The following CCDC136 variants were observed in gnomAD, a reference collection of about 807,000 sequenced individuals.
CCDC136 encodes the protein coiled-coil domain containing 136.
Under a neutral mutation model 141.2 loss-of-function variants are expected in CCDC136, and 100 were observed. That is an observed-to-expected ratio of 0.71 (90% confidence interval 0.60 to 0.84). The LOEUF (loss-of-function observed/expected upper bound fraction) is 0.84, where lower values mean the gene tolerates loss of function less well. Among genes scored for constraint, CCDC136 ranks in the 40% least tolerant of loss-of-function variants. The probability of loss-of-function intolerance (pLI) is 0.00; values close to 1 mark genes in which losing one functional copy is unlikely to be tolerated. For synonymous variants in CCDC136, 474 were observed against 531.9 expected, an observed-to-expected ratio of 0.89 and a Z score of 1.50; for missense variants, 1,206 against 1,379.4, an observed-to-expected ratio of 0.87 and a Z score of 1.99.
chr7:128,801,035 C>T (rs181067771), intron 3 of CCDC136, 151 bp from the exon 4 acceptor site: 104 of 603,284 alleles, frequency 1.7e-4, no homozygotes, highest in East Asian at 1.1e-3. Flanking sequence ...TTATTCCGTC[C>T]GGCATGATGC....
chr7:128,810,205 G>C lies in CCDC136; in HGVS notation c.1867G>C (p.Glu623Gln), dbSNP rs1308197912. The change falls in exon 12 of 18, where the codon GAG becomes CAG. Residue 623 changes from glutamate to glutamine, a missense_variant. Transcript: ENST00000297788. ...GCAGCTGCTCTACCAAGGCATGCAG[G>C]AGGAACAGAAGAAGCTGATACAGAA... ...ELQLLYQGMQ[E>Q]EQKKLIQNQD... is the part of the protein sequence containing the mutation. 1.2e-6 allele frequency: 2 copies of C among 1,610,738 alleles called. No homozygotes were observed. Among genetic ancestry groups the C allele is most frequent in the Non-Finnish European group, 8.5e-7 (1 of 1,178,464 alleles).
rs1806801805 is a variant in CCDC136, at chr7:128,817,421, G to A, written c.3364-337G>A. On this transcript the variant is annotated intron_variant, in intron 16 of 17. Transcript: ENST00000297788. This position sits in a 1 kb window ranked among gnomAD's most constrained non-coding sequence, Gnocchi z 4.6. ...CTCTTCCTAGAGTGACCTAGGAAAA[G>A]TCACAAGAAAGGTCTAGATGCAGAT... 6.6e-6 allele frequency among the ~76,000 whole-genome samples: 1 copy of A among 152,162 alleles called. No homozygotes were observed. Among genetic ancestry groups the A allele is most frequent in the African/African-American group, 2.4e-5 (1 of 41,438 alleles).
chr7:128,804,803 A>G (rs1268523946), intron 5 of CCDC136, 42 bp downstream of exon 5: 2 of 1,302,506 alleles, frequency 1.5e-6, no homozygotes, highest in South Asian at 2.5e-5. Flanking sequence ...GGGGTTCCAC[A>G]GGACTCTGCC....
At chr7:128,798,729 G>T (rs538848018) in intron 3 of CCDC136, among the ~76,000 whole-genome samples, 141 of 152,256 alleles carry the variant, frequency 9.3e-4, no homozygotes, top group Middle Eastern at 3.4e-3. Flanking sequence ...AGACCTCACT[G>T]TGCTGCTCAG....
rs142401261 is a variant in CCDC136 at position 128,821,428 on chromosome 7, G to T, written c.*6-371G>T. Among the ~76,000 whole-genome samples, 116 of 152,292 alleles carry T rather than the reference G, an allele frequency of 7.6e-4. No homozygotes were observed. Among genetic ancestry groups the T allele is most frequent in the African/African-American group, 2.7e-3 (113 of 41,546 alleles). ...ACTGCAGTGAAACTAATGAGGTGCT[G>T]CTGCTTTTCTCAAAGCCCCAGATTT... On this transcript the variant is annotated intron_variant, in intron 17 of 17. Transcript: ENST00000297788. The surrounding 1 kb of genome is among the most constrained non-coding windows in gnomAD (Gnocchi z 5.1).
chr7:128,812,225 C>G lies in CCDC136; in HGVS notation c.2454C>G (p.Tyr818Ter), dbSNP rs757440475. The change falls in exon 13 of 18, where the codon TAC becomes TAG. Residue 818 changes from tyrosine to a stop codon, truncating the protein, a stop_gained. Transcript: ENST00000297788. LOFTEE classifies it high-confidence loss of function. ...SNSSITYKKS[Y>*]GSTSSSDTCQ... ...GCAGCATTACCTATAAGAAGAGTTACGGCAGCACCAGTAGCTCTGACACCT... is the reference window on the plus strand; with the variant it reads ...GCAGCATTACCTATAAGAAGAGTTAGGGCAGCACCAGTAGCTCTGACACCT... 1.9e-6 allele frequency: 3 copies of G among 1,613,816 alleles called. No individual in the cohort carries two copies. Among genetic ancestry groups the G allele is most frequent in the African/African-American group, 2.7e-5 (2 of 74,916 alleles).
chr7:128,792,644 G>C (rs770393532), intron 1 of CCDC136, among the ~76,000 whole-genome samples: 1 of 152,124 alleles, frequency 6.6e-6, no homozygotes, highest in Non-Finnish European at 1.5e-5. Context: ...TCACCCCCCA[G>C]CTAACCAGGT....
chr7:128,796,680 A>G (rs1048002394), intron 3 of CCDC136, among the ~76,000 whole-genome samples: 1 of 149,560 alleles, frequency 6.7e-6, no homozygotes, highest in Non-Finnish European at 1.5e-5. Flanking sequence ...TCAAGAGATG[A>G]TGGTCGCTTG....
At chr7:128,810,019 G>T in intron 11 of CCDC136, 120 bp from the exon 12 acceptor site, 1 of 663,764 alleles carries the variant, frequency 1.5e-6, no homozygotes, top group Non-Finnish European at 2.6e-6. Flanking sequence ...TGGGCTCTGT[G>T]AAGTCAACCC....
intron 3 of CCDC136, among the ~76,000 whole-genome samples, chr7:128,796,780 C>T (rs1179080926): frequency 2.1e-4 from 27 of 128,352 alleles, no homozygotes; most frequent in African/African-American, 6.0e-4. Flanking sequence ...CTCGCTCTGT[C>T]GCCCAGGCTG....
chr7:128,820,809 T>C (rs1171770272), intron 17 of CCDC136, among the ~76,000 whole-genome samples: 1 of 152,228 alleles, frequency 6.6e-6, no homozygotes, highest in Non-Finnish European at 1.5e-5. Flanking sequence ...CTGTTGTTCT[T>C]AGTAGCTATT....
At chr7:128,806,912 G>A in intron 9 of CCDC136, 54 bp downstream of exon 9, 2 of 1,532,844 alleles carry the variant, frequency 1.3e-6, no homozygotes, top group Non-Finnish European at 1.8e-6. Flanking sequence ...CTTGTGTGAG[G>A]GTGAGAGCAC....
At chr7:128,804,806 A>G (rs1260006032) in intron 5 of CCDC136, 45 bp downstream of exon 5, 2 of 1,255,802 alleles carry the variant, frequency 1.6e-6, no homozygotes, top group Non-Finnish European at 2.3e-6. Flanking sequence ...GTTCCACAGG[A>G]CTCTGCCTTA....
At chr7:128,810,795 A>G (rs1452018725) in intron 12 of CCDC136, among the ~76,000 whole-genome samples, 1 of 152,242 alleles carries the variant, frequency 6.6e-6, no homozygotes, top group Non-Finnish European at 1.5e-5. Context: ...ATCAAAATCT[A>G]TCACCTTTGG....
At position 128,812,834 on chromosome 7, in the gene CCDC136, G is replaced by T. The variant is rs377281608; in HGVS notation, c.2668G>T (p.Asp890Tyr). 111 of 1,613,310 alleles carry T rather than the reference G, an allele frequency of 6.9e-5. No individual in the cohort carries two copies. The highest frequency in any genetic ancestry group is 9.0e-5 in the Non-Finnish European group (106 of 1,179,782). Residue 890 changes from aspartate to tyrosine, a missense_variant, in exon 14 of 18, where the codon GAC (aspartate) becomes TAC (tyrosine). Transcript: ENST00000297788. ...QMEKLLAKQK[D>Y]LKEELDACER... ...GGAAAAGTTACTGGCCAAGCAGAAA[G>T]ACCTGAAGGAAGAGCTGGATGCCTG...
chr7:128,803,356 A>G (rs1804333643), intron 4 of CCDC136, among the ~76,000 whole-genome samples: 1 of 152,238 alleles, frequency 6.6e-6, no homozygotes, highest in East Asian at 1.9e-4. Flanking sequence ...TGTTTGTATC[A>G]TCACAGCCTT....
At chr7:128,802,456 G>A (rs1804191603) in intron 4 of CCDC136, among the ~76,000 whole-genome samples, 1 of 152,102 alleles carries the variant, frequency 6.6e-6, no homozygotes, top group Non-Finnish European at 1.5e-5. Flanking sequence ...GGCTTGGGCT[G>A]GAGTCAAACA....
At position 128,806,306 on chromosome 7, in the gene CCDC136, G is replaced by A. The variant is rs755591957; in HGVS notation, c.1159G>A (p.Glu387Lys). The stretch of plus-strand genomic sequence containing the variant: ...TGATACTAGCCAGGATGAGCAGAAC[G>A]AGCTCTTGAAGATGCAGCTGCAACT... The part of the protein sequence containing the change: ...KYDTSQDEQN[E>K]LLKMQLQLQT... Residue 387 changes from glutamate to lysine, a missense_variant, in exon 8 of 18, where the codon GAG (glutamate) becomes AAG (lysine). Glu to Lys is a moderately conservative substitution (Grantham distance 56). Transcript: ENST00000297788. 2.5e-6 allele frequency: 4 copies of A among 1,590,848 alleles called. No homozygotes were observed. The highest frequency in any genetic ancestry group is 4.6e-5 in the East Asian group (2 of 43,954).
At chr7:128,813,626 C>A (rs1806112408) in intron 14 of CCDC136, among the ~76,000 whole-genome samples, 1 of 152,138 alleles carries the variant, frequency 6.6e-6, no homozygotes, top group African/African-American at 2.4e-5. Flanking sequence ...GTGTACAACA[C>A]AGTTCTTTAA....
Sources: gnomAD v4.1 joint callset for allele counts (sites outside exome capture counted in the v4.1 genomes callset) on GRCh38, gnomAD v4.1.1 for gene constraint, Gnocchi (gnomAD v3.1) non-coding constraint, MANE v1.5 for transcripts, NCBI Gene and HGNC (gene_info 2026-07-23, HGNC 2026-07-21) for gene names.